Variants in WWOX observed in about 807,000 individuals in gnomAD.
WWOX encodes the protein WW domain containing oxidoreductase.
WWOX carries 69 observed loss-of-function variants against 46.2 expected under a neutral mutation model. That is an observed-to-expected ratio of 1.49 (90% CI 1.23 to 1.82). The LOEUF (loss-of-function observed/expected upper bound fraction) is 1.82, where lower values mean the gene tolerates loss of function less well. WWOX is among the 40% of genes most tolerant of loss of function. WWOX has a pLI of 0.00. For missense variants in WWOX, 919 were observed against 542.6 expected (o/e 1.69, Z -6.89); for synonymous variants, 359 against 202.6 (o/e 1.77, Z -6.56).
chr16:78,707,994 C>G (rs866923893), intron 8 of WWOX, among the ~76,000 whole-genome samples: 3 of 152,120 alleles, frequency 2.0e-5, no homozygotes, highest in Non-Finnish European at 2.9e-5. Context: ...CTTTGGTCTT[C>G]TGACCTGAAA....
intron 8 of WWOX, among the ~76,000 whole-genome samples, chr16:78,708,933 C>T (rs536181722): frequency 2.6e-5 from 4 of 152,120 alleles, no homozygotes; most frequent in Admixed American, 1.3e-4. Context: ...AAAAAGAAGG[C>T]AGGGAAAGAG....
At chr16:78,719,215 G>A (rs1174674144) in intron 8 of WWOX, among the ~76,000 whole-genome samples, 2 of 152,196 alleles carry the variant, frequency 1.3e-5, no homozygotes. Context: ...AGTCAGTGCA[G>A]GTAATGTGTT....
intron 8 of WWOX, among the ~76,000 whole-genome samples, chr16:79,108,417 G>A (rs1335502126): frequency 6.6e-6 from 1 of 152,210 alleles, no homozygotes; most frequent in Non-Finnish European, 1.5e-5. Context: ...CTCCAGGGGA[G>A]AGATAAACTC....
chr16:78,638,152 C>A lies in WWOX; in HGVS notation c.1056+205400C>A, dbSNP rs557782908. ...CAGGCACTACCCTCAACACTGTTTC[C>A]CATGGCAATTATTTTACATGACAGT... On this transcript the variant is annotated intron_variant, in intron 8 of 8. Transcript: ENST00000566780. Among the ~76,000 whole-genome samples the A allele has an allele frequency of 1.3e-3, 195 of 152,242 alleles. 2 individuals are homozygous for A. Among genetic ancestry groups the A allele is most frequent in the South Asian group, 0.012 (57 of 4,824 alleles).
At chr16:78,567,938 C>T (rs2256855) in intron 8 of WWOX, among the ~76,000 whole-genome samples, 2 of 152,092 alleles carry the variant, frequency 1.3e-5, no homozygotes, top group South Asian at 2.1e-4. Context: ...CACCGGGGCT[C>T]TGCGAGGTTT....
At chr16:78,618,302 C>T (rs752566213) in intron 8 of WWOX, among the ~76,000 whole-genome samples, 3 of 152,206 alleles carry the variant, frequency 2.0e-5, no homozygotes, top group Non-Finnish European at 4.4e-5. Context: ...AGAAATACCA[C>T]AGGTCAGGTG....
intron 8 of WWOX, among the ~76,000 whole-genome samples, chr16:78,562,898 TAGTC>T (rs1263177653): frequency 6.6e-6 from 1 of 152,100 alleles, no homozygotes; most frequent in Non-Finnish European, 1.5e-5. Context: ...AGGTGACACA[TAGTC>T]AGTTAATTAC....
At chr16:78,970,621 C>T (rs905883610) in intron 8 of WWOX, among the ~76,000 whole-genome samples, 16 of 152,142 alleles carry the variant, frequency 1.1e-4, no homozygotes, top group African/African-American at 3.6e-4. Context: ...AGTCAGAGAG[C>T]TAACAAAGAT....
chr16:78,748,471 G>C (rs868705539), intron 8 of WWOX, among the ~76,000 whole-genome samples: 1 of 152,184 alleles, frequency 6.6e-6, no homozygotes, highest in Non-Finnish European at 1.5e-5. Context: ...CAGGCATGCT[G>C]GCTGTAAAGT....
intron 8 of WWOX, among the ~76,000 whole-genome samples, chr16:79,116,227 C>T (rs1301269350): frequency 1.3e-5 from 2 of 152,160 alleles, no homozygotes; most frequent in African/African-American, 2.4e-5. Context: ...GTTGGGGTGG[C>T]TGTGGCAATT....
intron 8 of WWOX, among the ~76,000 whole-genome samples, chr16:78,861,810 A>G (rs544633561): frequency 6.6e-6 from 1 of 152,328 alleles, no homozygotes; most frequent in African/African-American, 2.4e-5. Context: ...AAATTGTTGA[A>G]ATAGGTAAAG....
chr16:79,150,124 C>T (rs760030147), intron 8 of WWOX, among the ~76,000 whole-genome samples: 2 of 152,204 alleles, frequency 1.3e-5, no homozygotes, highest in South Asian at 4.1e-4. Context: ...GGCTCTGGTT[C>T]ACCAAGCTTA....
At chr16:78,451,179 A>T (rs902011388) in intron 8 of WWOX, among the ~76,000 whole-genome samples, 79 of 152,126 alleles carry the variant, frequency 5.2e-4, no homozygotes, top group Non-Finnish European at 8.1e-4. Context: ...CATTTTTTTT[A>T]AAATTAGAAA....
intron 8 of WWOX, among the ~76,000 whole-genome samples, chr16:78,582,026 A>G (rs544959449): frequency 7.9e-5 from 12 of 152,336 alleles, no homozygotes; most frequent in African/African-American, 2.4e-4. Flanking sequence ...TTTGTAGACA[A>G]GGCAAAGATC....
chr16:78,443,960 T>C (rs1280422384), intron 8 of WWOX, among the ~76,000 whole-genome samples: 3 of 152,178 alleles, frequency 2.0e-5, no homozygotes, highest in Admixed American at 6.5e-5. Context: ...CCCATGACGA[T>C]GTTTCTGGAA....
intron 8 of WWOX, among the ~76,000 whole-genome samples, chr16:79,083,929 T>A (rs1299318344): frequency 3.3e-5 from 5 of 152,170 alleles, no homozygotes; most frequent in Non-Finnish European, 7.3e-5. Context: ...TTTTATGAGG[T>A]CGTGCTTTGC....
intron 8 of WWOX, among the ~76,000 whole-genome samples, chr16:78,937,420 C>G (rs927338601): frequency 5.0e-5 from 7 of 141,042 alleles, no homozygotes. Context: ...GCTAAACATA[C>G]CTTTAGAGAA....
chr16:78,865,631 G>C (rs1312370175), intron 8 of WWOX, among the ~76,000 whole-genome samples: 1 of 152,168 alleles, frequency 6.6e-6, no homozygotes, highest in Non-Finnish European at 1.5e-5. Flanking sequence ...TGTAATCCCA[G>C]CACTTTGGGA....
At chr16:79,076,180 A>C (rs772757491) in intron 8 of WWOX, among the ~76,000 whole-genome samples, 1 of 152,210 alleles carries the variant, frequency 6.6e-6, no homozygotes, top group Admixed American at 6.5e-5. Context: ...TCCCATCTTC[A>C]TATCAGGGAA....
Sources: gnomAD v4.1 joint callset for allele counts (sites outside exome capture counted in the v4.1 genomes callset) on GRCh38, gnomAD v4.1.1 for gene constraint, MANE v1.5 for transcripts, NCBI Gene and HGNC (gene_info 2026-07-23, HGNC 2026-07-21) for gene names.